The following NCALD variants were observed in gnomAD, a reference collection of about 807,000 sequenced individuals.
NCALD encodes neurocalcin delta.
In NCALD, 10 loss-of-function variants were observed where a neutral mutation model predicts 18.6. The observed-to-expected ratio is 0.54, with a 90% confidence interval of 0.33 to 0.91. NCALD has a LOEUF of 0.91. Ranked by LOEUF, NCALD falls within the 40% of genes least tolerant of loss-of-function variation. The probability of loss-of-function intolerance (pLI) is 0.03; values close to 1 mark genes in which losing one functional copy is unlikely to be tolerated. For synonymous variants in NCALD, 88 were observed against 87.4 expected (o/e 1.01, Z -0.04); for missense variants, 184 against 247.6 (o/e 0.74, Z 1.72).
chr8:101,961,842 A>G (rs1819848391), intron 2 of NCALD, among the ~76,000 whole-genome samples: 1 of 152,040 alleles, frequency 6.6e-6, no homozygotes, highest in African/African-American at 2.4e-5. Flanking sequence ...TTCCAAAGAA[A>G]AAACAGAGGC....
At chr8:101,764,286 A>C (rs2130854950) in intron 1 of NCALD, among the ~76,000 whole-genome samples, 1 of 152,266 alleles carries the variant, frequency 6.6e-6, no homozygotes, top group African/African-American at 2.4e-5. Context: ...CTTTGGCTGC[A>C]GACATTGAGA....
rs117112369 is a variant in NCALD, at chr8:101,859,327, C to A, written c.-20+27814G>T. Reference sequence around the variant, plus strand: ...GACGGTTGCACTGCCAGCTTCCCTACTTTTAAGGTTTTGGGATTTGGACTG... The same window carrying A: ...GACGGTTGCACTGCCAGCTTCCCTAATTTTAAGGTTTTGGGATTTGGACTG... On this transcript the variant is annotated intron_variant, in intron 4 of 6. Coordinates refer to the NCALD transcript ENST00000311028. 5.1e-3 allele frequency among the ~76,000 whole-genome samples: 775 copies of A among 152,328 alleles called. 4 individuals are homozygous for A. The highest frequency in any genetic ancestry group is 8.0e-3 in the Non-Finnish European group (544 of 68,024).
chr8:101,871,973 C>G (rs1242332026), intron 4 of NCALD: 2 of 781,694 alleles, frequency 2.6e-6, no homozygotes, highest in South Asian at 2.8e-5. Context: ...CACCCCAACT[C>G]ATCTCTGGTC....
intron 3 of NCALD, among the ~76,000 whole-genome samples, chr8:101,690,040 G>T (rs1209224892): frequency 6.6e-6 from 1 of 152,174 alleles, no homozygotes; most frequent in Non-Finnish European, 1.5e-5. Context: ...ATGGGTTTCT[G>T]CCTCTCAGTT....
intron 1 of NCALD, chr8:101,750,192 G>A (rs537495224): frequency 6.8e-6 from 1 of 147,538 alleles, no homozygotes; most frequent in Non-Finnish European, 1.5e-5. Context: ...AAGAGTAACT[G>A]CCCTCATGAT....
chr8:101,864,593 C>CTTTT (rs34516996), intron 4 of NCALD, among the ~76,000 whole-genome samples: 3 of 136,892 alleles, frequency 2.2e-5, no homozygotes, highest in East Asian at 2.1e-4. Context: ...TCTTTCCTTT[C>CTTTT]TTTTTTTTTT....
At chr8:101,705,376 G>A (rs561822593) in intron 2 of NCALD, among the ~76,000 whole-genome samples, 3 of 152,272 alleles carry the variant, frequency 2.0e-5, no homozygotes, top group Admixed American at 6.5e-5. Flanking sequence ...CATCAGTGGG[G>A]AAAACCGAAT....
At chr8:101,712,087 C>T (rs116268508) in intron 2 of NCALD, among the ~76,000 whole-genome samples, 1,609 of 152,232 alleles carry the variant, frequency 0.011, 22 homozygotes, top group African/African-American at 0.036. Flanking sequence ...AGAAACCTTA[C>T]AAGCCAGTGA....
intron 4 of NCALD, among the ~76,000 whole-genome samples, chr8:101,796,895 C>T (rs1812657742): frequency 6.6e-6 from 1 of 152,156 alleles, no homozygotes. Context: ...CAAAGTCATC[C>T]CTCTGCTCAC....
chr8:102,071,130 G>T (rs1245884164), intron 1 of NCALD, among the ~76,000 whole-genome samples: 1 of 152,082 alleles, frequency 6.6e-6, no homozygotes, highest in South Asian at 2.1e-4. Context: ...AGAATGCTTA[G>T]TAAGAGTCTT....
intron 2 of NCALD, among the ~76,000 whole-genome samples, chr8:101,992,794 C>A (rs1257592000): frequency 6.6e-6 from 1 of 152,022 alleles, no homozygotes; most frequent in Non-Finnish European, 1.5e-5. Flanking sequence ...AGGCCTGGCA[C>A]ACAACAGGTG....
chr8:101,994,735 A>G (rs2131998083), intron 2 of NCALD, among the ~76,000 whole-genome samples: 1 of 152,230 alleles, frequency 6.6e-6, no homozygotes, highest in East Asian at 1.9e-4. Context: ...AAGGCTCATT[A>G]CTCTCAATGA....
chr8:101,875,381 C>T (rs1483964555), intron 4 of NCALD, among the ~76,000 whole-genome samples: 1 of 152,206 alleles, frequency 6.6e-6, no homozygotes, highest in East Asian at 1.9e-4. Context: ...GATTTCCCTC[C>T]TTGCAAGTAT....
chr8:101,995,821 C>T (rs1336895201), intron 2 of NCALD, among the ~76,000 whole-genome samples: 2 of 152,214 alleles, frequency 1.3e-5, no homozygotes, highest in Non-Finnish European at 2.9e-5. Context: ...CACAGAGTCA[C>T]GTGTCCTCAA....
At chr8:101,695,540 G>A (rs930299386) in intron 2 of NCALD, among the ~76,000 whole-genome samples, 27 of 152,028 alleles carry the variant, frequency 1.8e-4, no homozygotes, top group Non-Finnish European at 1.5e-4. Flanking sequence ...TCTCTCACCT[G>A]AGTGCTCACC....
At chr8:101,872,313 G>T in intron 4 of NCALD, 5 of 1,375,520 alleles carry the variant, frequency 3.6e-6, no homozygotes, top group Non-Finnish European at 5.2e-6. Flanking sequence ...TCCCCTCAGC[G>T]AGTCTCTGCC....
At chr8:102,071,218 C>A (rs1824169911) in intron 1 of NCALD, among the ~76,000 whole-genome samples, 1 of 151,982 alleles carries the variant, frequency 6.6e-6, no homozygotes, top group Non-Finnish European at 1.5e-5. Context: ...AGCAGAATGG[C>A]CTGGGAGAGT....
chr8:102,099,165 A>G (rs1315149700), intron 1 of NCALD, among the ~76,000 whole-genome samples: 4 of 152,204 alleles, frequency 2.6e-5, no homozygotes, highest in African/African-American at 9.7e-5. Context: ...CAGTTATCCA[A>G]GCTATTTTGT....
intron 3 of NCALD, among the ~76,000 whole-genome samples, chr8:101,902,513 T>G (rs561603): frequency 0.33 from 50,024 of 152,070 alleles, 9,873 homozygotes; most frequent in African/African-American, 0.54. Flanking sequence ...GAACATGCCC[T>G]AGAGTTCCTC....
Sources: gnomAD v4.1 joint callset for allele counts (sites outside exome capture counted in the v4.1 genomes callset) on GRCh38, gnomAD v4.1.1 for gene constraint, MANE v1.5 for transcripts, NCBI Gene and HGNC (gene_info 2026-07-23, HGNC 2026-07-21) for gene names.